RUFY4: variants seen among roughly 807,000 people sequenced by gnomAD.
The protein encoded by RUFY4 is RUN and FYVE domain containing 4.
Under a neutral mutation model 69.0 loss-of-function variants are expected in RUFY4, and 73 were observed. The observed-to-expected ratio is 1.06, with a 90% CI of 0.88 to 1.29. The LOEUF (loss-of-function observed/expected upper bound fraction) is 1.29, where lower values mean the gene tolerates loss of function less well. Ranked by LOEUF, RUFY4 falls within the 50% of genes most tolerant of loss-of-function variation. The pLI is 0.00. For synonymous variants in RUFY4, 287 were observed against 271.8 expected (o/e 1.06, Z -0.55); for missense variants, 770 against 705.6 (o/e 1.09, Z -1.03).
Position 218,082,667 on chromosome 2 carries a change from A to C in RUFY4, c.1356-443A>C, listed in dbSNP as rs552490331. ...TGTGCATGTTGTGTTGTGTGTCTGC[A>C]TTATGGATGTCTGTTGTGTGTGTTG... On this transcript the variant is annotated intron_variant, in intron 8 of 10. Transcript: ENST00000344321. Among the ~76,000 whole-genome samples, 5 of 151,566 alleles carry C rather than the reference A, an allele frequency of 3.3e-5. No individual in the cohort carries two copies. The East Asian group carries it at 9.8e-4, about 30-fold the overall frequency.
At chr2:218,052,349 C>T (rs748557166) in intron 2 of RUFY4, among the ~76,000 whole-genome samples, 1 of 152,172 alleles carries the variant, frequency 6.6e-6, no homozygotes, top group South Asian at 2.1e-4. Context: ...GACAATTTCA[C>T]GTGCTATTAC....
intron 2 of RUFY4, chr2:218,058,559 G>C (rs1054084603): frequency 6.6e-6 from 1 of 152,206 alleles, no homozygotes; most frequent in African/African-American, 2.4e-5. Context: ...AGATAGAATT[G>C]TGTTTCCCCA....
chr2:218,060,031 G>A, intron 3 of RUFY4: 1 of 226,938 alleles, frequency 4.4e-6, no homozygotes, highest in Non-Finnish European at 9.5e-6. Context: ...ATCCTAATGA[G>A]TATGCAGAGC....
exon 11 of RUFY4, chr2:218,090,410 C>A: frequency 4.2e-6 from 1 of 240,860 alleles, no homozygotes; most frequent in Non-Finnish European, 8.4e-6. Context: ...CCCCACTCAC[C>A]CAGCAGCGGT....
At chr2:218,067,455 C>T (rs545863748), upstream of RUFY4, among the ~76,000 whole-genome samples, 17 of 152,318 alleles carry the variant, frequency 1.1e-4, no homozygotes, top group South Asian at 1.9e-3. Flanking sequence ...ACCCCAAGAA[C>T]GAGGGTATCA....
intron 2 of RUFY4, among the ~76,000 whole-genome samples, chr2:218,051,251 C>T (rs1466360225): frequency 6.6e-6 from 1 of 152,014 alleles, no homozygotes; most frequent in African/African-American, 2.4e-5. Flanking sequence ...TATAAAAACA[C>T]AAAAGATATT....
intron 4 of RUFY4, 50 bp downstream of exon 6, chr2:218,072,935 C>A (rs752628837): frequency 1.4e-6 from 2 of 1,412,788 alleles, no homozygotes; most frequent in Non-Finnish European, 1.9e-6. Flanking sequence ...GCCACTTTCC[C>A]TCCTTTGTAA....
At chr2:218,059,450 A>G (rs1689134092) in intron 3 of RUFY4, 1 of 166,718 alleles carries the variant, frequency 6.0e-6, no homozygotes, top group African/African-American at 2.4e-5. Context: ...AGTCCCTGGT[A>G]ATCACTGTTC....
intron 3 of RUFY4, chr2:218,060,814 T>C (rs1399903868): frequency 6.3e-7 from 1 of 1,587,976 alleles, no homozygotes; most frequent in Non-Finnish European, 8.6e-7. Flanking sequence ...TTTGCTGTAT[T>C]GTTGCCCATG....
At chr2:218,089,581 T>G (rs987897826) in intron 10 of RUFY4, 9 of 664,076 alleles carry the variant, frequency 1.4e-5, no homozygotes, top group East Asian at 1.1e-4. Context: ...GTCCGGGGAG[T>G]GGGATTGGGT....
chr2:218,083,606 G>C (rs868839033), intron 9 of RUFY4, among the ~76,000 whole-genome samples: 1 of 152,112 alleles, frequency 6.6e-6, no homozygotes. Flanking sequence ...AAATTAGCCA[G>C]ACATGGTGAC....
intron 2 of RUFY4, 118 bp from the exon 5 acceptor site, chr2:218,072,256 G>A (rs1689505852): frequency 7.9e-7 from 1 of 1,273,576 alleles, no homozygotes; most frequent in Non-Finnish European, 1.1e-6. Flanking sequence ...GGGTCTGGAT[G>A]CCGGGTGTGT....
chr2:218,073,531 C>T (rs1689547653), intron 5 of RUFY4, 145 bp downstream of exon 7: 12 of 1,182,404 alleles, frequency 1.0e-5, no homozygotes, highest in African/African-American at 1.5e-5. Context: ...TCTTCTAGCC[C>T]TCGATGCTCC....
intron 3 of RUFY4, chr2:218,059,584 G>A (rs1278260735): frequency 6.0e-6 from 1 of 167,006 alleles, no homozygotes; most frequent in East Asian, 1.9e-4. Context: ...CGTCCGTGTT[G>A]TAACAAGTAT....
chr2:218,080,017 C>T (rs1427942831), intron 8 of RUFY4, among the ~76,000 whole-genome samples: 2 of 152,180 alleles, frequency 1.3e-5, no homozygotes, highest in African/African-American at 4.8e-5. Context: ...TGAGCAGAAG[C>T]CCCAACCACA....
chr2:218,086,236 T>C (rs572050888), intron 9 of RUFY4, among the ~76,000 whole-genome samples: 1 of 152,310 alleles, frequency 6.6e-6, no homozygotes, highest in South Asian at 2.1e-4. Flanking sequence ...GTCTCTGAGT[T>C]CCAATGTCCT....
chr2:218,087,234 A>G (rs916007026), intron 9 of RUFY4, among the ~76,000 whole-genome samples: 4 of 152,130 alleles, frequency 2.6e-5, no homozygotes, highest in Non-Finnish European at 5.9e-5. Flanking sequence ...GCTGTCCAGT[A>G]TGGTAGCTGA....
intron 8 of RUFY4, 86 bp from the exon 11 acceptor site, chr2:218,083,024 C>A: frequency 7.2e-7 from 1 of 1,397,304 alleles, no homozygotes; most frequent in Admixed American, 2.6e-5. Context: ...CTCCCATGGG[C>A]TCCCTCTCTG....
At chr2:218,074,966 C>A in intron 6 of RUFY4, 127 bp from the exon 9 acceptor site, 1 of 1,019,630 alleles carries the variant, frequency 9.8e-7, no homozygotes, top group African/African-American at 1.6e-5. Flanking sequence ...ATCAAAGCTT[C>A]CAGTGAGAGG....
Sources: gnomAD v4.1 joint callset for allele counts (sites outside exome capture counted in the v4.1 genomes callset) on GRCh38, gnomAD v4.1.1 for gene constraint, MANE v1.5 for transcripts, NCBI Gene and HGNC (gene_info 2026-07-23, HGNC 2026-07-21) for gene names.